ECT2L: variants seen among roughly 807,000 people sequenced by gnomAD.
ECT2L encodes epithelial cell-transforming sequence 2 oncogene-like.
ECT2L carries 126 observed loss-of-function variants against 122.8 expected under a neutral mutation model. The ratio of observed to expected loss-of-function variants is 1.03; its 90% CI spans 0.89 to 1.19. ECT2L has a LOEUF of 1.19. ECT2L is among the 50% of genes most tolerant of loss of function. The pLI is 0.00. For synonymous variants in ECT2L, 385 were observed against 381.8 expected (o/e 1.01, Z -0.10); for missense variants, 1,012 against 1,064.1 (o/e 0.95, Z 0.68).
At chr6:138,870,734 C>T (rs1193131733) in intron 13 of ECT2L, among the ~76,000 whole-genome samples, 8 of 152,026 alleles carry the variant, frequency 5.3e-5, no homozygotes, top group African/African-American at 1.9e-4. Context: ...TCTGGCTGGG[C>T]GCGGTGGCTC....
At chr6:138,876,672 A>G (rs1286603389) in intron 14 of ECT2L, 114 bp downstream of exon 14, 3 of 336,470 alleles carry the variant, frequency 8.9e-6, no homozygotes, top group Non-Finnish European at 1.5e-5. Context: ...TGGGGGATTA[A>G]AAAAAAAAAA....
chr6:138,892,164 T>C (rs1321726617), intron 20 of ECT2L, among the ~76,000 whole-genome samples: 1 of 152,202 alleles, frequency 6.6e-6, no homozygotes, highest in Non-Finnish European at 1.5e-5. Context: ...TGGTCTTTTT[T>C]CTGCTTTTCA....
intron 12 of ECT2L, 138 bp downstream of exon 12, chr6:138,865,316 C>A: frequency 1.4e-6 from 1 of 692,468 alleles, no homozygotes; most frequent in Non-Finnish European, 2.2e-6. Context: ...CTAGGTTGCT[C>A]ACACGGCCTT....
intron 1 of ECT2L, among the ~76,000 whole-genome samples, chr6:138,808,697 T>C (rs184141722): frequency 8.1e-4 from 123 of 151,716 alleles, no homozygotes; most frequent in South Asian, 1.7e-3. Context: ...TAATAATACA[T>C]AATGACAATT....
At chr6:138,881,603 TG>T (rs550975485) in intron 15 of ECT2L, among the ~76,000 whole-genome samples, 3 of 151,772 alleles carry the variant, frequency 2.0e-5, no homozygotes, top group Admixed American at 6.6e-5. Context: ...TGTAAACCAG[TG>T]GGAGCCCTGA....
chr6:138,849,570 A>C, intron 9 of ECT2L, 136 bp downstream of exon 9: 1 of 881,370 alleles, frequency 1.1e-6, no homozygotes, highest in South Asian at 2.2e-5. Flanking sequence ...GAAAAAAGCG[A>C]AGCTTTTTTT....
intron 13 of ECT2L, among the ~76,000 whole-genome samples, chr6:138,873,239 C>T: frequency 6.7e-6 from 1 of 149,872 alleles, no homozygotes. Context: ...TAAAAAAAAT[C>T]GAATTAGAAA....
At chr6:138,854,360 G>A (rs928446613) in intron 10 of ECT2L, among the ~76,000 whole-genome samples, 5 of 152,058 alleles carry the variant, frequency 3.3e-5, no homozygotes, top group African/African-American at 7.2e-5. Flanking sequence ...ACAGAAATAC[G>A]GTCCCTAAAT....
At chr6:138,863,426 T>C (rs1043442283) in intron 11 of ECT2L, among the ~76,000 whole-genome samples, 1 of 152,184 alleles carries the variant, frequency 6.6e-6, no homozygotes, top group African/African-American at 2.4e-5. Context: ...AGGGAAAATA[T>C]TCTTTGTAGA....
chr6:138,834,970 C>T lies in ECT2L; in HGVS notation c.180-3382C>T, dbSNP rs138839895. On this transcript the variant is annotated intron_variant, in intron 4 of 21. Coordinates refer to ENST00000541398, the MANE Select transcript of ECT2L (RefSeq NM_001077706.3). ...TCTCTCTCTGTCTCTTTCCTCACAACGGCCTGCCAACAGGTTCATTTTACG... is the reference window on the plus strand; with the variant it reads ...TCTCTCTCTGTCTCTTTCCTCACAATGGCCTGCCAACAGGTTCATTTTACG... Among the ~76,000 whole-genome samples the T allele has an allele frequency of 2.1e-3, 320 of 151,372 alleles. 2 individuals carry two copies. The highest frequency in any genetic ancestry group is 7.6e-3 in the African/African-American group (313 of 41,192).
At chr6:138,867,999 CAAAAAAA>C (rs754296302) in intron 12 of ECT2L, 97 bp from the exon 13 acceptor site, 43 of 335,948 alleles carry the variant, frequency 1.3e-4, no homozygotes, top group Middle Eastern at 6.5e-4. Context: ...GATTCTGTCT[CAAAAAAA>C]AAAAAAAAAA....
rs759771477 is a variant in ECT2L, at chr6:138,902,663, C to T, written c.*36C>T. The T allele has an allele frequency of 1.9e-6, 3 of 1,610,518 alleles. No homozygotes were observed. In the South Asian group the frequency reaches 3.3e-5, roughly 18 times the overall value. ...GAAAACTTCAGGGGTGCCAATTCTC[C>T]CCAGCAAAGACAGACAACATGTATT... On this transcript the variant is annotated 3_prime_UTR_variant, in exon 22 of 22. Transcript: ENST00000541398.
intron 9 of ECT2L, 122 bp from the exon 10 acceptor site, chr6:138,853,904 G>T (rs534527795): frequency 4.7e-6 from 5 of 1,061,368 alleles, no homozygotes; most frequent in Non-Finnish European, 7.0e-6. Context: ...GATGCCTCAG[G>T]TGTCTTGGTC....
chr6:138,896,960 A>G (rs575887394), intron 20 of ECT2L, among the ~76,000 whole-genome samples: 4 of 152,262 alleles, frequency 2.6e-5, no homozygotes, highest in Non-Finnish European at 5.9e-5. Flanking sequence ...ACTTTCTTTT[A>G]AAGTTTTATG....
intron 4 of ECT2L, chr6:138,823,844 CT>C (rs1776344452): frequency 1.7e-6 from 1 of 587,882 alleles, no homozygotes; most frequent in African/African-American, 2.3e-5. Context: ...ATGAATGATG[CT>C]TTCCCCTCAA....
chr6:138,822,256 T>C (rs369443484), intron 4 of ECT2L, among the ~76,000 whole-genome samples: 1 of 152,084 alleles, frequency 6.6e-6, no homozygotes, highest in Non-Finnish European at 1.5e-5. Context: ...AGACAGACAT[T>C]ACATGGGGAA....
chr6:138,862,238 T>C (rs1162378527), intron 10 of ECT2L, among the ~76,000 whole-genome samples: 1 of 152,180 alleles, frequency 6.6e-6, no homozygotes, highest in Non-Finnish European at 1.5e-5. Context: ...AATTACTTCA[T>C]GGTTCTCCAG....
chr6:138,826,713 C>T (rs909561274), intron 4 of ECT2L, among the ~76,000 whole-genome samples: 1 of 152,054 alleles, frequency 6.6e-6, no homozygotes, highest in African/African-American at 2.4e-5. Context: ...TTAGTTCCCA[C>T]CCAAATCTCA....
chr6:138,897,346 AAAC>A (rs1779250302), intron 20 of ECT2L, among the ~76,000 whole-genome samples: 1 of 152,212 alleles, frequency 6.6e-6, no homozygotes, highest in Non-Finnish European at 1.5e-5. Context: ...ACAATTAAAA[AAAC>A]AAATAAAAAC....
Sources: allele counts gnomAD v4.1 joint callset (sites outside exome capture counted in the v4.1 genomes callset), GRCh38; gene constraint gnomAD v4.1.1; transcripts MANE v1.5; gene names NCBI Gene and HGNC (gene_info 2026-07-23, HGNC 2026-07-21).